Variants in CRPPA observed in about 807,000 individuals in gnomAD.
The protein encoded by CRPPA is CDP-L-ribitol pyrophosphorylase A.
Under a neutral mutation model 52.0 loss-of-function variants are expected in CRPPA, and 43 were observed. That is an observed-to-expected ratio of 0.83 (90% CI 0.65 to 1.07). CRPPA has a LOEUF of 1.07. Ranked by LOEUF, CRPPA falls within the 50% of genes least tolerant of loss-of-function variation. CRPPA has a pLI of 0.00. For missense variants in CRPPA, 629 were observed against 551.7 expected, an observed-to-expected ratio of 1.14 and a Z score of -1.40; for synonymous variants, 250 against 203.5, an observed-to-expected ratio of 1.23 and a Z score of -1.94.
intron 4 of CRPPA, 42 bp downstream of exon 4, chr7:16,308,480 GA>G (rs756142037): frequency 8.8e-5 from 95 of 1,083,190 alleles, no homozygotes; most frequent in Non-Finnish European, 1.2e-4. Context: ...GCAAACACAT[GA>G]AAGCACAGAA....
chr7:16,373,758 T>C (rs983750163), intron 3 of CRPPA, among the ~76,000 whole-genome samples: 1 of 152,154 alleles, frequency 6.6e-6, no homozygotes, highest in Non-Finnish European at 1.5e-5. Flanking sequence ...AGAGTAAGCA[T>C]GGCTAGAGCA....
In CRPPA at chr7:16,376,208, C is replaced by T; in HGVS notation, c.568G>A (p.Val190Ile). Residue 190 changes from valine (V) to isoleucine (I), a missense_variant, in exon 3 of 10, where the codon GTC becomes ATC. By Grantham distance (29) the Val-to-Ile change is conservative. Coordinates refer to ENST00000407010, the MANE Select transcript of CRPPA (RefSeq NM_001101426.4). ...CAACCATCAGCAGATGGACTGACGACAGTAGATACAAGAGGTCGAATGGCT... is the reference window on the plus strand; with the variant it reads ...CAACCATCAGCAGATGGACTGACGATAGTAGATACAAGAGGTCGAATGGCT... ...AGAIRPLVSTVVSPSADGCLD... is the reference protein window; with the variant it reads ...AGAIRPLVSTIVSPSADGCLD... 1.2e-6 allele frequency: 2 copies of T among 1,612,368 alleles called. No individual in the cohort carries two copies. Among genetic ancestry groups the T allele is most frequent in the Non-Finnish European group, 1.7e-6 (2 of 1,179,174 alleles).
intron 9 of CRPPA, among the ~76,000 whole-genome samples, chr7:16,129,175 T>C (rs1477802772): frequency 6.6e-6 from 1 of 152,162 alleles, no homozygotes; most frequent in Non-Finnish European, 1.5e-5. Flanking sequence ...CCTAATTAGC[T>C]CATTTTCAGT....
chr7:16,160,644 C>A, intron 9 of CRPPA, among the ~76,000 whole-genome samples: 1 of 152,086 alleles, frequency 6.6e-6, no homozygotes, highest in Non-Finnish European at 1.5e-5. Context: ...CTTGGCTACA[C>A]GAGCTCTTTT....
At chr7:16,187,886 C>T (rs1781536665) in intron 9 of CRPPA, among the ~76,000 whole-genome samples, 1 of 151,866 alleles carries the variant, frequency 6.6e-6, no homozygotes, top group Admixed American at 6.6e-5. Flanking sequence ...GTGGTTTAAA[C>T]AGAGAATTAC....
chr7:16,157,503 T>C (rs945816114), intron 9 of CRPPA, among the ~76,000 whole-genome samples: 2 of 152,130 alleles, frequency 1.3e-5, no homozygotes, highest in Admixed American at 6.5e-5. Context: ...TGCATAAAAA[T>C]TACTGTATCC....
intron 2 of CRPPA, among the ~76,000 whole-genome samples, chr7:16,389,928 A>AATATAT (rs1202579530): frequency 5.8e-3 from 173 of 29,688 alleles, no homozygotes; most frequent in South Asian, 8.6e-3. Context: ...AAAAAAAAAA[A>AATATAT]ATATATATAT....
At chr7:16,240,494 T>G (rs896215821) in intron 8 of CRPPA, among the ~76,000 whole-genome samples, 15 of 151,550 alleles carry the variant, frequency 9.9e-5, no homozygotes, top group Admixed American at 5.3e-4. Flanking sequence ...TAGGCTACAG[T>G]AGCAATAAGG....
At chr7:16,362,663 A>G (rs1786486113) in intron 3 of CRPPA, among the ~76,000 whole-genome samples, 1 of 152,240 alleles carries the variant, frequency 6.6e-6, no homozygotes, top group Non-Finnish European at 1.5e-5. Flanking sequence ...AAGTTATTAA[A>G]TACAGGCTAC....
intron 3 of CRPPA, among the ~76,000 whole-genome samples, chr7:16,342,740 C>A (rs1168987351): frequency 6.8e-5 from 7 of 102,308 alleles, no homozygotes; most frequent in Admixed American, 1.2e-4. Context: ...GCAGCCTGGG[C>A]AACAGGATGA....
In CRPPA at chr7:16,313,216, G is replaced by C. The variant is rs13240761; in HGVS notation, c.685-4589C>G. Among the ~76,000 whole-genome samples the C allele has an allele frequency of 4.1e-3, 624 of 151,936 alleles. 5 individuals carry two copies. The highest frequency in any genetic ancestry group is 6.3e-3 in the Non-Finnish European group (429 of 67,840). The stretch of plus-strand genomic sequence containing the variant: ...CTAAGTCTAGTACTTCATATATTAG[G>C]TGGTTAATTATTGACTCAATTTGTT... On this transcript the variant is annotated intron_variant, in intron 3 of 9. Transcript: ENST00000407010.
At chr7:16,381,360 T>G (rs886311858) in intron 2 of CRPPA, among the ~76,000 whole-genome samples, 1 of 151,508 alleles carries the variant, frequency 6.6e-6, no homozygotes, top group African/African-American at 2.4e-5. Context: ...GAGAGACAGT[T>G]TGTTATAATT....
intron 9 of CRPPA, among the ~76,000 whole-genome samples, chr7:16,103,905 A>G (rs1327912028): frequency 1.3e-5 from 2 of 152,332 alleles, no homozygotes; most frequent in African/African-American, 4.8e-5. Flanking sequence ...ATTTGTTCAC[A>G]TAACATTTAG....
chr7:16,404,344 C>A (rs1393758077), intron 2 of CRPPA, among the ~76,000 whole-genome samples: 1 of 152,018 alleles, frequency 6.6e-6, no homozygotes, highest in Non-Finnish European at 1.5e-5. Flanking sequence ...AAGAAACAAT[C>A]TAATAGGAAC....
chr7:16,117,943 G>A (rs552254043), intron 9 of CRPPA, among the ~76,000 whole-genome samples: 153 of 152,300 alleles, frequency 1.0e-3, no homozygotes, highest in Non-Finnish European at 1.7e-3. Flanking sequence ...ACCAAGACAT[G>A]AGTAAGCTTT....
At chr7:16,157,131 AT>A (rs1783198374) in intron 9 of CRPPA, among the ~76,000 whole-genome samples, 1 of 151,360 alleles carries the variant, frequency 6.6e-6, no homozygotes, top group African/African-American at 2.4e-5. Context: ...GAGAAGAAAT[AT>A]TTATTGTGTT....
At chr7:16,139,782 G>C (rs1409685439) in intron 9 of CRPPA, among the ~76,000 whole-genome samples, 2 of 152,040 alleles carry the variant, frequency 1.3e-5, no homozygotes. Context: ...GCTCAACTCT[G>C]CCACATGATT....
At chr7:16,114,913 A>G (rs1282507356) in intron 9 of CRPPA, among the ~76,000 whole-genome samples, 1 of 152,148 alleles carries the variant, frequency 6.6e-6, no homozygotes, top group Non-Finnish European at 1.5e-5. Flanking sequence ...TAGTTATTAC[A>G]TAAAATAAAA....
chr7:16,399,795 A>G (rs558675582), intron 2 of CRPPA, among the ~76,000 whole-genome samples: 1 of 152,324 alleles, frequency 6.6e-6, no homozygotes, highest in East Asian at 1.9e-4. Context: ...GCACGTGACC[A>G]ACACGTGACT....
Sources: allele counts gnomAD v4.1 joint callset (sites outside exome capture counted in the v4.1 genomes callset), GRCh38; gene constraint gnomAD v4.1.1; transcripts MANE v1.5; gene names NCBI Gene and HGNC (gene_info 2026-07-23, HGNC 2026-07-21).